The following ZBTB37 variants were observed in gnomAD, a reference collection of about 807,000 sequenced individuals.
The protein encoded by ZBTB37 is zinc finger and BTB domain containing 37.
In ZBTB37, 15 loss-of-function variants were observed where a neutral mutation model predicts 37.7. The observed-to-expected ratio is 0.40, with a 90% CI of 0.27 to 0.61. The LOEUF is 0.61. Ranked by LOEUF, ZBTB37 falls within the 20% of genes least tolerant of loss-of-function variation. The pLI is 0.44. For missense variants in ZBTB37, 514 were observed against 641.9 expected (o/e 0.80, Z 2.15); for synonymous variants, 231 against 220.6 (o/e 1.05, Z -0.42).
exon 4 of ZBTB37, chr1:173,898,742 C>T (rs1259360922): frequency 3.3e-5 from 5 of 152,174 alleles, no homozygotes; most frequent in African/African-American, 9.7e-5. Flanking sequence ...AGTTGTAGCA[C>T]TCAATTTATT....
At chr1:173,897,034 G>C (rs1657078112) in exon 4 of ZBTB37, 1 of 152,092 alleles carries the variant, frequency 6.6e-6, no homozygotes, top group Non-Finnish European at 1.5e-5. Context: ...TAAAAAGTCT[G>C]TTTTCTTTTT....
intron 4 of ZBTB37, among the ~76,000 whole-genome samples, chr1:173,878,302 C>A (rs1251136504): frequency 6.6e-6 from 1 of 152,178 alleles, no homozygotes; most frequent in African/African-American, 2.4e-5. Context: ...TTTGTGTCTC[C>A]TGTTAAACTG....
downstream of ZBTB37, chr1:173,887,168 G>GT (rs1656657748): frequency 6.6e-6 from 1 of 152,268 alleles, no homozygotes. Context: ...TTTTAAACAT[G>GT]TTTTTTCTGC....
At chr1:173,873,787 A>C in intron 4 of ZBTB37, 1 of 623,132 alleles carries the variant, frequency 1.6e-6, no homozygotes, top group Non-Finnish European at 2.5e-6. Flanking sequence ...TACCAAGCAT[A>C]GATGCAAATA....
intron 4 of ZBTB37, among the ~76,000 whole-genome samples, chr1:173,875,229 A>G (rs1253913295): frequency 5.3e-5 from 8 of 149,882 alleles, no homozygotes; most frequent in Non-Finnish European, 8.8e-5. Context: ...CACACACTAT[A>G]TATACTATAT....
exon 4 of ZBTB37, chr1:173,891,848 C>CA (rs772969777): frequency 3.9e-5 from 6 of 152,228 alleles, no homozygotes; most frequent in African/African-American, 1.4e-4. Flanking sequence ...TCTATCTTGA[C>CA]AAAGTTTTCT....
At chr1:173,892,680 A>G (rs1025590918) in exon 4 of ZBTB37, 2 of 152,226 alleles carry the variant, frequency 1.3e-5, no homozygotes, top group East Asian at 3.8e-4. Context: ...GGGTACGTAT[A>G]TAAATTTTCT....
chr1:173,890,704 A>G (rs1393696452), downstream of ZBTB37: 1 of 152,236 alleles, frequency 6.6e-6, no homozygotes, highest in Non-Finnish European at 1.5e-5. Context: ...TTCAGCAAAC[A>G]GTAGTTTCCA....
intron 4 of ZBTB37, among the ~76,000 whole-genome samples, chr1:173,876,568 T>C (rs1431267048): frequency 6.6e-6 from 1 of 152,216 alleles, no homozygotes; most frequent in Non-Finnish European, 1.5e-5. Flanking sequence ...TCCAACCGCC[T>C]CAGCCTCCCG....
intron 3 of ZBTB37, among the ~76,000 whole-genome samples, chr1:173,872,000 G>C (rs1446959110): frequency 6.6e-6 from 1 of 152,190 alleles, no homozygotes; most frequent in Non-Finnish European, 1.5e-5. Flanking sequence ...CTTTGGTCTT[G>C]AGAAACAAAT....
intron 3 of ZBTB37, 67 bp from the exon 4 acceptor site, chr1:173,873,400 A>T: frequency 6.8e-7 from 1 of 1,480,270 alleles, no homozygotes; most frequent in East Asian, 2.4e-5. Flanking sequence ...GAGGGGCGAC[A>T]TCACCATTTT....
chr1:173,900,872 C>A lies in ZBTB37; in HGVS notation c.*14748C>A, dbSNP rs1657227467. On this transcript the variant is annotated 3_prime_UTR_variant, in exon 4 of 4. Transcript: ENST00000367701. ...CCTTTGAGACTCCAAAGAGAGTAGC[C>A]CCCTTAGGGTTTTCATACTGAAGAA... 1.3e-5 allele frequency: 2 copies of A among 152,128 alleles called. 1 individual carries two copies. The highest frequency in any genetic ancestry group is 4.1e-4 in the South Asian group (2 of 4,826). The allele number at this position is 152,128 out of a possible 1,614,324, so 9.4% of individuals were successfully genotyped here.
chr1:173,873,412 C>T, intron 3 of ZBTB37, 55 bp from the exon 4 acceptor site: 1 of 1,505,236 alleles, frequency 6.6e-7, no homozygotes, highest in Non-Finnish European at 8.9e-7. Context: ...CACCATTTTT[C>T]AGGTTCTTTG....
downstream of ZBTB37, chr1:173,887,868 A>G (rs1464357181): frequency 1.3e-5 from 2 of 152,230 alleles, no homozygotes; most frequent in Non-Finnish European, 2.9e-5. Flanking sequence ...GCTTTGTGGT[A>G]TGTGAAAAGG....
chr1:173,880,357 T>C (rs2102739515), intron 4 of ZBTB37, among the ~76,000 whole-genome samples: 1 of 152,312 alleles, frequency 6.6e-6, no homozygotes, highest in South Asian at 2.1e-4. Context: ...CAGATGACTT[T>C]TTAAGGCCCT....
At chr1:173,899,116 T>TAACAACTGATACAG (rs1557897831) in exon 4 of ZBTB37, 3 of 152,326 alleles carry the variant, frequency 2.0e-5, no homozygotes, top group South Asian at 2.1e-4. Context: ...GATACAGTAA[T>TAACAACTGATACAG]TTCTGCCCAA....
exon 4 of ZBTB37, chr1:173,896,722 T>TCTG (rs1321437359): frequency 6.6e-6 from 1 of 152,218 alleles, no homozygotes; most frequent in Admixed American, 6.5e-5. Flanking sequence ...TTTAGTCACA[T>TCTG]CTTGAAGCAG....
In ZBTB37 at chr1:173,902,882, C is replaced by T. The variant is rs549765201; in HGVS notation, c.*16758C>T. ...AACATCCACTTTTAAGTGGCCCCCA[C>T]TCCATGCCAAAGGGAAAAAGAACCG... On this transcript the variant is annotated 3_prime_UTR_variant, in exon 4 of 4. Transcript: ENST00000367701. 3 of 152,268 alleles carry T rather than the reference C, an allele frequency of 2.0e-5. No homozygotes were observed. The South Asian group carries it at 6.2e-4, about 32-fold the overall frequency. 9.4% of individuals were successfully genotyped at this position (152,268 alleles called of 1,614,324 possible). A position where few individuals can be genotyped will look rare whatever the true frequency, so the allele number is the denominator to read the frequency against.
intron 4 of ZBTB37, among the ~76,000 whole-genome samples, chr1:173,884,605 A>G (rs1449715988): frequency 6.6e-6 from 1 of 152,236 alleles, no homozygotes; most frequent in Non-Finnish European, 1.5e-5. Context: ...TAATATGTTC[A>G]TATGATACTG....
Sources: gnomAD v4.1 joint callset for allele counts (sites outside exome capture counted in the v4.1 genomes callset) on GRCh38, gnomAD v4.1.1 for gene constraint, MANE v1.5 for transcripts, NCBI Gene and HGNC (gene_info 2026-07-23, HGNC 2026-07-21) for gene names.